The following NOL6 variants were observed in gnomAD, a reference collection of about 807,000 sequenced individuals.
NOL6 encodes nucleolar protein 6.
A neutral mutation model predicts 131.7 loss-of-function variants in NOL6; 33 were observed. The ratio of observed to expected loss-of-function variants is 0.25; its 90% CI spans 0.19 to 0.33. The LOEUF is 0.33. NOL6 is among the 10% of genes least tolerant of loss of function. The pLI is 1.00. For synonymous variants in NOL6, 580 were observed against 605.7 expected, an observed-to-expected ratio of 0.96 and a Z score of 0.62; for missense variants, 1,297 against 1,494.5, an observed-to-expected ratio of 0.87 and a Z score of 2.18.
chr9:33,465,043 T>C (rs1827201011), intron 20 of NOL6, 67 bp from the exon 21 acceptor site: 1 of 1,490,738 alleles, frequency 6.7e-7, no homozygotes, highest in Non-Finnish European at 9.3e-7. Flanking sequence ...TCTCAGGCTA[T>C]GGAGCTCAGA....
Position 33,468,426 on chromosome 9 carries a change from G to A in NOL6, c.1207-4C>T, listed in dbSNP as rs767734149. 4 of 1,613,774 alleles carry A rather than the reference G, an allele frequency of 2.5e-6. No homozygotes were observed. The highest frequency in any genetic ancestry group is 1.3e-5 in the African/African-American group (1 of 74,892). On this transcript the variant is annotated splice_polypyrimidine_tract_variant and splice_region_variant and intron_variant, in intron 9 of 25. Coordinates refer to ENST00000297990, the MANE Select transcript of NOL6 (RefSeq NM_022917.5). ...GGTGGAAGTCAGCCAGGGCCGGCTTGGGGGGTGTAGAGAGAAGCAGGTCAG... is the reference window on the plus strand; with the variant it reads ...GGTGGAAGTCAGCCAGGGCCGGCTTAGGGGGTGTAGAGAGAAGCAGGTCAG...
intron 20 of NOL6, 42 bp from the exon 21 acceptor site, chr9:33,465,018 A>T (rs779107059): frequency 3.8e-5 from 58 of 1,545,544 alleles, no homozygotes; most frequent in Non-Finnish European, 4.8e-5. Flanking sequence ...GCCCAGCCAC[A>T]TATCCCCAGG....
At position 33,464,889 on chromosome 9, in the gene NOL6, A is replaced by G. The variant is rs1164818812; in HGVS notation, c.2769T>C (p.Asn923=). ...KNNPLFVNLN[N]ELTVEEQVEI... is the part of the protein sequence containing the mutation. ...TGTTCTACCACTTACCAGTGAGCTC[A>G]TTATTGAGGTTGACAAAGAGGGGGT... Residue 923 remains asparagine (N), a synonymous_variant, in exon 21 of 26, where the codon AAT becomes AAC. Coordinates refer to ENST00000297990, the MANE Select transcript of NOL6 (RefSeq NM_022917.5). 6.2e-7 allele frequency: 1 copy of G among 1,610,808 alleles called. No individual in the cohort carries two copies. Among genetic ancestry groups the G allele is most frequent in the African/African-American group, 1.3e-5 (1 of 74,966 alleles).
At position 33,469,238 on chromosome 9, in the gene NOL6, G is replaced by C; in HGVS notation, c.831C>G (p.Ala277=). The change falls in exon 6 of 26, where the codon GCC becomes GCG. Residue 277 remains alanine, a synonymous_variant. Coordinates refer to ENST00000297990, the MANE Select transcript of NOL6 (RefSeq NM_022917.5). The part of the protein sequence containing the change: ...LLPTKNNVRS[A]WYRGQSPAGD... ...CTGCAGGACTCTGCCCTCGGTACCA[G>C]GCAGAGCGCACATTGTTCTTGGTTG... 1 of 1,614,242 alleles carries C rather than the reference G, an allele frequency of 6.2e-7. No individual in the cohort carries two copies. Among genetic ancestry groups the C allele is most frequent in the Non-Finnish European group, 8.5e-7 (1 of 1,180,052 alleles).
At chr9:33,464,559 C>A (rs1470641726) in intron 21 of NOL6, among the ~76,000 whole-genome samples, 1 of 152,092 alleles carries the variant, frequency 6.6e-6, no homozygotes, top group African/African-American at 2.4e-5. Context: ...ACCAAGAGGT[C>A]TGAGTATCTG....
Position 33,464,316 on chromosome 9 carries a change from C to T in NOL6, c.2780-155G>A, listed in dbSNP as rs527636545. 2.7e-4 allele frequency among the ~76,000 whole-genome samples: 41 copies of T among 152,162 alleles called. No individual in the cohort carries two copies. The South Asian group carries it at 3.3e-3, about 12-fold the overall frequency. ...GTGGCAAAGGTGACGAAAGGGACAT[C>T]GCATTTGCCTCAACTGGGTGGGGCA... On this transcript the variant is annotated intron_variant, in intron 21 of 25. Transcript: ENST00000297990.
At position 33,468,942 on chromosome 9, in the gene NOL6, G is replaced by A. The variant is rs759718188; in HGVS notation, c.1026+16C>T. Reference sequence around the variant, plus strand: ...ACAGGCGCTCAGGTAGGGAGGCTGCGCCACCCCCAACTCACCTTGTCCAGC... The same window carrying A: ...ACAGGCGCTCAGGTAGGGAGGCTGCACCACCCCCAACTCACCTTGTCCAGC... On this transcript the variant is annotated intron_variant, in intron 7 of 25. Coordinates refer to ENST00000297990, the MANE Select transcript of NOL6 (RefSeq NM_022917.5). 3.7e-6 allele frequency: 6 copies of A among 1,613,950 alleles called. No homozygotes were observed. The highest frequency in any genetic ancestry group is 1.7e-4 in the Middle Eastern group (1 of 6,058).
chr9:33,468,051 C>T lies in NOL6; in HGVS notation c.1403G>A (p.Arg468Gln), dbSNP rs760549579. Reference protein sequence around the residue: ...LLLMTPKPMIRAFDHVLHLRP... With the variant: ...LLLMTPKPMIQAFDHVLHLRP... ...TCACTGCAGGACATGGTCAAAAGCC[C>T]GGATCATGGGTTTGGGAGTCATCAA... The change falls in exon 11 of 26, where the codon CGG becomes CAG. Residue 468 changes from arginine (R) to glutamine (Q), a missense_variant. Arg to Gln is a conservative substitution (Grantham distance 43). Transcript: ENST00000297990. 6 of 1,614,034 alleles carry T rather than the reference C, an allele frequency of 3.7e-6. No individual in the cohort carries two copies. Among genetic ancestry groups the T allele is most frequent in the Admixed American group, 1.7e-5 (1 of 59,994 alleles).
chr9:33,473,139 G>C (rs1362678046), intron 1 of NOL6, among the ~76,000 whole-genome samples: 2 of 152,090 alleles, frequency 1.3e-5, no homozygotes, highest in Non-Finnish European at 2.9e-5. Flanking sequence ...CCTCTAGGAA[G>C]ACCTGACTGC....
Position 33,462,450 on chromosome 9 carries a change from A to C in NOL6, c.*214T>G. 1 of 621,416 alleles carries C rather than the reference A, an allele frequency of 1.6e-6. No homozygotes were observed. The highest frequency in any genetic ancestry group is 1.9e-5 in the South Asian group (1 of 51,560). 38.5% of individuals were successfully genotyped at this position (621,416 alleles called of 1,614,324 possible). ...CTCCTCTTCTGGGATGGTGAGGCCC[A>C]GGAGACTACATGGGCCACCATGCCC... is the stretch of plus-strand genomic sequence containing the variant. On this transcript the variant is annotated 3_prime_UTR_variant, in exon 26 of 26. Coordinates refer to ENST00000297990, the MANE Select transcript of NOL6 (RefSeq NM_022917.5).
chr9:33,467,355 CA>C lies in NOL6; in HGVS notation c.1725+38del. 1 of 1,610,900 alleles carries C rather than the reference CA, an allele frequency of 6.2e-7. No individual in the cohort carries two copies. Among genetic ancestry groups the C allele is most frequent in the South Asian group, 1.1e-5 (1 of 90,996 alleles). On this transcript the variant is annotated intron_variant, in intron 13 of 25. Coordinates refer to ENST00000297990, the MANE Select transcript of NOL6 (RefSeq NM_022917.5). The surrounding 1 kb of genome is among the most constrained non-coding windows in gnomAD (Gnocchi z 4.4). ...CAGTCCAGGTGCCATGAGGACGAGC[CA>C]CCCCATTCCTTCCAGTGTACATGCT...
intron 23 of NOL6, 76 bp downstream of exon 23, chr9:33,463,755 G>C: frequency 6.8e-7 from 1 of 1,480,146 alleles, no homozygotes; most frequent in South Asian, 1.2e-5. Flanking sequence ...CGGGTCTCCT[G>C]TGAGATCCCT....
Position 33,473,804 on chromosome 9 carries a change from C to A in NOL6, c.39G>T (p.Ala13=), listed in dbSNP as rs759850167. 1 of 1,611,952 alleles carries A rather than the reference C, an allele frequency of 6.2e-7. No individual in the cohort carries two copies. Among genetic ancestry groups the A allele is most frequent in the Non-Finnish European group, 8.5e-7 (1 of 1,180,022 alleles). The change falls in exon 1 of 26, where the codon GCG becomes GCT. Residue 13 remains alanine (A), a synonymous_variant. Coordinates refer to ENST00000297990, the MANE Select transcript of NOL6 (RefSeq NM_022917.5). The part of the protein sequence containing the change: ...PAPAGEQLRG[A]TGEPEVMEPA... ...CTCAACCCACCTCTGGCTCTCCAGT[C>A]GCTCCGCGAAGCTGCTCTCCAGCTG... is the stretch of plus-strand genomic sequence containing the variant.
rs114911109 is a variant in NOL6 at position 33,464,085 on chromosome 9, G to T, written c.2856C>A (p.Pro952=). The T allele has an allele frequency of 2.5e-3, 4,043 of 1,613,726 alleles. 10 individuals carry two copies. Among genetic ancestry groups the T allele is most frequent in the Non-Finnish European group, 2.5e-3 (2,976 of 1,179,838 alleles). ...AQLPVMVIVT[P]QDRKNSVWTQ... ...TCCACACAGAGTTTTTGCGGTCTTG[G>T]GGGGTAACAATGACCATGACGGGGA... is the stretch of plus-strand genomic sequence containing the variant. The change falls in exon 22 of 26, where the codon CCC becomes CCA. Residue 952 remains proline (P), a synonymous_variant. Transcript: ENST00000297990.
chr9:33,461,938 C>A lies in NOL6; in HGVS notation c.*726G>T, dbSNP rs924297892. Reference sequence around the variant, plus strand: ...TAGTAGTGGCAGTTTGTGACATGAACGGGCAAACAGCCAGGGCAGATGCAG... The same window carrying A: ...TAGTAGTGGCAGTTTGTGACATGAAAGGGCAAACAGCCAGGGCAGATGCAG... On this transcript the variant is annotated 3_prime_UTR_variant, in exon 26 of 26. Coordinates refer to ENST00000297990, the MANE Select transcript of NOL6 (RefSeq NM_022917.5). 3.0e-5 allele frequency: 16 copies of A among 540,240 alleles called. No individual in the cohort carries two copies. The South Asian group carries it at 3.8e-4, about 13-fold the overall frequency. 33.5% of individuals were successfully genotyped at this position (540,240 alleles called of 1,614,324 possible). A position where few individuals can be genotyped will look rare whatever the true frequency, so the allele number is the denominator to read the frequency against.
rs1054372630 is a variant in NOL6 at position 33,462,889 on chromosome 9, G to C, written c.3292-76C>G. ...AGAGACACCAAGCTGGGTACAGAGT[G>C]GGGGTGGTGGGGATAGAAACACAAG... is the stretch of plus-strand genomic sequence containing the variant. On this transcript the variant is annotated intron_variant, in intron 25 of 25. Coordinates refer to ENST00000297990, the MANE Select transcript of NOL6 (RefSeq NM_022917.5). 1.1e-5 allele frequency: 18 copies of C among 1,584,882 alleles called. No homozygotes were observed. In the Admixed American group the frequency reaches 2.8e-4, roughly 25 times the overall value.
At position 33,472,008 on chromosome 9, in the gene NOL6, G is replaced by T. The variant is rs1342385855; in HGVS notation, c.374C>A (p.Thr125Lys). 1.2e-6 allele frequency: 2 copies of T among 1,610,382 alleles called. No individual in the cohort carries two copies. Among genetic ancestry groups the T allele is most frequent in the Non-Finnish European group, 1.7e-6 (2 of 1,178,496 alleles). Residue 125 changes from threonine to lysine, a missense_variant, in exon 3 of 26, where the codon ACA becomes AAA. Thr to Lys is a moderately conservative substitution (Grantham distance 78). Transcript: ENST00000297990. ...TTCCCCAGGCCACTTGCTTACCTCT[G>T]TCTCAGGGACTGAGGGCACCCTCAC... ...RVVRVPSVPE[T>K]ELTDQAWLPA...
intron 22 of NOL6, 51 bp from the exon 23 acceptor site, chr9:33,463,971 TCAGGCTGGGC>T (rs993909489): frequency 6.2e-7 from 1 of 1,613,714 alleles, no homozygotes; most frequent in Non-Finnish European, 8.5e-7. Flanking sequence ...CTCTCCCAGG[TCAGGCTGGGC>T]CTGCTTTTTC....
At chr9:33,472,571 G>A in intron 1 of NOL6, 159 bp from the exon 2 acceptor site, 1 of 647,460 alleles carries the variant, frequency 1.5e-6, no homozygotes, top group South Asian at 1.9e-5. Context: ...TCGTTACTTG[G>A]ATGAACATCA....
Sources: gnomAD v4.1 joint callset for allele counts (sites outside exome capture counted in the v4.1 genomes callset) on GRCh38, gnomAD v4.1.1 for gene constraint, Gnocchi (gnomAD v3.1) non-coding constraint, MANE v1.5 for transcripts, NCBI Gene and HGNC (gene_info 2026-07-23, HGNC 2026-07-21) for gene names.